Variants in ARFIP1 observed in about 807,000 individuals in gnomAD.
ARFIP1 encodes ARF interacting protein 1, also known as arfaptin-1.
Under a neutral mutation model 42.5 loss-of-function variants are expected in ARFIP1, and 24 were observed. That is an observed-to-expected ratio of 0.57 (90% CI 0.41 to 0.80). The LOEUF (loss-of-function observed/expected upper bound fraction) is 0.80. Among genes scored for constraint, ARFIP1 ranks in the 30% least tolerant of loss-of-function variants. The probability of loss-of-function intolerance (pLI) is 0.00; values close to 1 mark genes in which losing one functional copy is unlikely to be tolerated. For missense variants in ARFIP1, 354 were observed against 434.0 expected, an observed-to-expected ratio of 0.82 and a Z score of 1.64; for synonymous variants, 141 against 153.7, an observed-to-expected ratio of 0.92 and a Z score of 0.61.
intron 8 of ARFIP1, among the ~76,000 whole-genome samples, chr4:152,889,534 T>TAC (rs199743290): frequency 6.5e-5 from 3 of 45,874 alleles, no homozygotes; most frequent in African/African-American, 1.7e-4. Context: ...TATATATATA[T>TAC]ACACCTATTT....
At chr4:152,884,370 A>T (rs1054348703) in intron 7 of ARFIP1, among the ~76,000 whole-genome samples, 1 of 152,022 alleles carries the variant, frequency 6.6e-6, no homozygotes, top group Non-Finnish European at 1.5e-5. Flanking sequence ...ATTCATTTAT[A>T]TAAGTTTTAC....
chr4:152,908,454 C>A (rs1248990818), intron 8 of ARFIP1, among the ~76,000 whole-genome samples: 1 of 151,964 alleles, frequency 6.6e-6, no homozygotes, highest in African/African-American at 2.4e-5. Flanking sequence ...TACTAAAATA[C>A]AAAAAATTAT....
At chr4:152,841,489 G>A (rs1056533576) in intron 2 of ARFIP1, among the ~76,000 whole-genome samples, 8 of 152,138 alleles carry the variant, frequency 5.3e-5, no homozygotes, top group Non-Finnish European at 7.4e-5. Context: ...TATAGGACCT[G>A]TATGATTTAT....
chr4:152,846,230 G>C (rs369867643), intron 2 of ARFIP1, among the ~76,000 whole-genome samples: 1 of 152,132 alleles, frequency 6.6e-6, no homozygotes, highest in Non-Finnish European at 1.5e-5. Flanking sequence ...AGGGGGCAAA[G>C]GGTGAAAAAC....
rs751010670 is a variant in ARFIP1, at chr4:152,829,704, C to T, written c.71C>T (p.Ser24Phe). 2 of 1,609,548 alleles carry T rather than the reference C, an allele frequency of 1.2e-6. No individual in the cohort carries two copies. Among genetic ancestry groups the T allele is most frequent in the Non-Finnish European group, 1.7e-6 (2 of 1,177,466 alleles). Residue 24 changes from serine to phenylalanine, a missense_variant, in exon 2 of 9, where the codon TCT (serine) becomes TTT (phenylalanine). Physicochemically the swap from Ser to Phe is radical, Grantham distance 155. Coordinates refer to ENST00000353617, the MANE Select transcript of ARFIP1 (RefSeq NM_001025595.3). ...PVTSNGEVDDSREHSFNRDLK... is the reference protein window; with the variant it reads ...PVTSNGEVDDFREHSFNRDLK... Reference sequence around the variant, plus strand: ...ACTAGTAATGGAGAAGTTGATGACTCTCGTGAACATAGCTTTAATAGGGTA... The same window carrying T: ...ACTAGTAATGGAGAAGTTGATGACTTTCGTGAACATAGCTTTAATAGGGTA...
chr4:152,787,723 C>G (rs1730892541), intron 1 of ARFIP1, among the ~76,000 whole-genome samples: 1 of 152,134 alleles, frequency 6.6e-6, no homozygotes, highest in Non-Finnish European at 1.5e-5. Flanking sequence ...TACCTTCAAG[C>G]TATGTGTATA....
chr4:152,854,041 C>T (rs1279093268), intron 2 of ARFIP1, among the ~76,000 whole-genome samples: 2 of 150,798 alleles, frequency 1.3e-5, no homozygotes, highest in African/African-American at 4.9e-5. Flanking sequence ...ACCTCCTGTG[C>T]AGCTGGGATT....
At chr4:152,829,155 G>A (rs1199576616) in intron 1 of ARFIP1, among the ~76,000 whole-genome samples, 1 of 152,060 alleles carries the variant, frequency 6.6e-6, no homozygotes, top group Non-Finnish European at 1.5e-5. Flanking sequence ...TGATAGACAC[G>A]GAATTATTTT....
chr4:152,817,700 T>C (rs1730014078), intron 1 of ARFIP1, among the ~76,000 whole-genome samples: 1 of 152,226 alleles, frequency 6.6e-6, no homozygotes, highest in Non-Finnish European at 1.5e-5. Flanking sequence ...AAGTTATGCA[T>C]TTGATAAGAA....
chr4:152,826,106 C>T (rs1730814272), intron 1 of ARFIP1, among the ~76,000 whole-genome samples: 1 of 152,132 alleles, frequency 6.6e-6, no homozygotes, highest in South Asian at 2.1e-4. Context: ...TACCATTTAA[C>T]CCAGCATTCC....
rs1290861468 is a variant in ARFIP1 at position 152,881,197 on chromosome 4, T to TA, written c.633+16dup. 1.9e-6 allele frequency: 3 copies of TA among 1,560,818 alleles called. No homozygotes were observed. The highest frequency in any genetic ancestry group is 1.4e-5 in the African/African-American group (1 of 73,232). On this transcript the variant is annotated intron_variant, in intron 6 of 8. Transcript: ENST00000353617. ...ACTAGAACTTCATGTAAGATTATTC[T>TA]AAATAACTATTAGGGATGGGAGAAA...
At chr4:152,848,069 C>T (rs183017466) in intron 2 of ARFIP1, among the ~76,000 whole-genome samples, 1 of 152,184 alleles carries the variant, frequency 6.6e-6, no homozygotes, top group East Asian at 1.9e-4. Context: ...TAAGTGATAT[C>T]ACAGAGTATT....
At chr4:152,891,222 C>CT (rs1736821115) in intron 8 of ARFIP1, among the ~76,000 whole-genome samples, 1 of 152,238 alleles carries the variant, frequency 6.6e-6, no homozygotes, top group African/African-American at 2.4e-5. Flanking sequence ...GGGACACAAA[C>CT]ATTCAGACTG....
At chr4:152,902,949 CT>C (rs1344352459) in intron 8 of ARFIP1, among the ~76,000 whole-genome samples, 9 of 152,200 alleles carry the variant, frequency 5.9e-5, no homozygotes, top group Non-Finnish European at 1.0e-4. Context: ...TTATGTTCTA[CT>C]GAAACTGCTT....
rs573604856 is a variant in ARFIP1, at chr4:152,860,668, C to T, written c.94-2938C>T. ...GATGAAATCCCAGGTTTGAGAACTACAGGATAAAGGAGCCATTCCCAGACA... is the reference window on the plus strand; with the variant it reads ...GATGAAATCCCAGGTTTGAGAACTATAGGATAAAGGAGCCATTCCCAGACA... On this transcript the variant is annotated intron_variant, in intron 2 of 8. Transcript: ENST00000353617. 2.2e-4 allele frequency among the ~76,000 whole-genome samples: 33 copies of T among 152,264 alleles called. No individual in the cohort carries two copies. The East Asian group carries it at 6.0e-3, about 28-fold the overall frequency.
intron 8 of ARFIP1, among the ~76,000 whole-genome samples, chr4:152,889,979 T>C (rs1398689369): frequency 6.8e-6 from 1 of 147,006 alleles, no homozygotes; most frequent in Non-Finnish European, 1.5e-5. Flanking sequence ...TAGTCATATA[T>C]ATTTAGTCAT....
chr4:152,859,842 C>T (rs543011614), intron 2 of ARFIP1, among the ~76,000 whole-genome samples: 9 of 149,898 alleles, frequency 6.0e-5, no homozygotes, highest in African/African-American at 2.2e-4. Flanking sequence ...TATCTAGTTG[C>T]CCTGTTTAAA....
intron 1 of ARFIP1, among the ~76,000 whole-genome samples, chr4:152,810,885 C>G (rs563548276): frequency 6.6e-6 from 1 of 152,142 alleles, no homozygotes; most frequent in South Asian, 2.1e-4. Context: ...GTATCTCTTT[C>G]TACTGTATGA....
At chr4:152,804,086 T>G (rs1301977322) in intron 1 of ARFIP1, among the ~76,000 whole-genome samples, 1 of 90,750 alleles carries the variant, frequency 1.1e-5, no homozygotes, top group African/African-American at 3.9e-5. Flanking sequence ...ATATATAATA[T>G]AACGTAATAT....
Sources: gnomAD v4.1 joint callset for allele counts (sites outside exome capture counted in the v4.1 genomes callset) on GRCh38, gnomAD v4.1.1 for gene constraint, MANE v1.5 for transcripts, NCBI Gene and HGNC (gene_info 2026-07-23, HGNC 2026-07-21) for gene names.